KCNH5: variants seen among roughly 807,000 people sequenced by gnomAD.
The protein encoded by KCNH5 is voltage-gated delayed rectifier potassium channel KCNH5.
KCNH5 carries 46 observed loss-of-function variants against 96.1 expected under a neutral mutation model. The ratio of observed to expected loss-of-function variants is 0.48; its 90% CI spans 0.38 to 0.61. The LOEUF is 0.61. Ranked by LOEUF, KCNH5 falls within the 20% of genes least tolerant of loss-of-function variation. The pLI is 0.00. For synonymous variants in KCNH5, 439 were observed against 449.8 expected (o/e 0.98, Z 0.30); for missense variants, 907 against 1,225.8 (o/e 0.74, Z 3.88).
Position 62,984,761 on chromosome 14 carries a change from G to GA in KCNH5, c.549+2310dup, listed in dbSNP as rs998948739. Among the ~76,000 whole-genome samples the GA allele has an allele frequency of 4.1e-3, 578 of 141,654 alleles. 5 individuals carry two copies. The highest frequency in any genetic ancestry group is 0.014 in the African/African-American group (522 of 38,546). The allele number at this position is 141,654 out of a possible 152,430, so 92.9% of individuals were successfully genotyped here. On this transcript the variant is annotated intron_variant, in intron 5 of 10. Transcript: ENST00000322893. The stretch of plus-strand genomic sequence containing the variant: ...AAACTAACACTAATCACAGAGCAAA[G>GA]AAAAAAAAAACAGATGGGATGAAAT...
intron 10 of KCNH5, among the ~76,000 whole-genome samples, chr14:62,749,513 T>A (rs1282316333): frequency 1.3e-5 from 2 of 152,192 alleles, no homozygotes; most frequent in Non-Finnish European, 2.9e-5. Context: ...AGCTGTGTTG[T>A]AACAAGATTC....
intron 7 of KCNH5, among the ~76,000 whole-genome samples, chr14:62,890,631 G>A (rs1412976711): frequency 6.0e-5 from 9 of 149,868 alleles, no homozygotes; most frequent in African/African-American, 2.0e-4. Context: ...CCCGGGAGGC[G>A]GAGCTTGCAG....
chr14:63,024,628 T>C (rs1891492739), intron 1 of KCNH5, among the ~76,000 whole-genome samples: 1 of 152,028 alleles, frequency 6.6e-6, no homozygotes. Flanking sequence ...CAAAGGATCA[T>C]AACTATTATG....
chr14:62,731,314 A>G (rs1885045818), intron 10 of KCNH5, among the ~76,000 whole-genome samples: 1 of 151,580 alleles, frequency 6.6e-6, no homozygotes, highest in Non-Finnish European at 1.5e-5. Context: ...AATAATAATA[A>G]TAATAAATTA....
intron 10 of KCNH5, among the ~76,000 whole-genome samples, chr14:62,749,668 A>G (rs1409875071): frequency 1.3e-5 from 2 of 152,184 alleles, no homozygotes; most frequent in East Asian, 3.8e-4. Context: ...ACTTTCATCC[A>G]TTATTTCAAA....
At chr14:62,859,467 G>T (rs546598178) in intron 7 of KCNH5, among the ~76,000 whole-genome samples, 2 of 152,186 alleles carry the variant, frequency 1.3e-5, no homozygotes, top group Non-Finnish European at 2.9e-5. Context: ...TTCTCCTGCT[G>T]AGGTCACCTG....
rs369845225 is a variant in KCNH5, at chr14:62,889,613, A to G, written c.1370-39761T>C. ...CCATTCCTCTGCCTCTCCGATTCCT[A>G]AGAGAGTAGAATCTCCATAAGACAA... On this transcript the variant is annotated intron_variant, in intron 7 of 10. Coordinates refer to ENST00000322893, the MANE Select transcript of KCNH5 (RefSeq NM_139318.5). Among the ~76,000 whole-genome samples the G allele has an allele frequency of 2.2e-4, 34 of 152,290 alleles. No homozygotes were observed. In the East Asian group the frequency reaches 5.0e-3, roughly 22 times the overall value.
At chr14:62,862,486 G>T (rs1888056842) in intron 7 of KCNH5, among the ~76,000 whole-genome samples, 1 of 152,078 alleles carries the variant, frequency 6.6e-6, no homozygotes, top group African/African-American at 2.4e-5. Context: ...TCCTCTCTCG[G>T]TATGCAAATC....
chr14:62,996,474 T>G (rs1427119274), intron 4 of KCNH5, among the ~76,000 whole-genome samples: 1 of 152,236 alleles, frequency 6.6e-6, no homozygotes, highest in Admixed American at 6.5e-5. Context: ...CTAATTTACA[T>G]GTCTATCAAA....
intron 7 of KCNH5, among the ~76,000 whole-genome samples, chr14:62,893,614 G>C (rs1292593886): frequency 1.3e-5 from 2 of 152,018 alleles, no homozygotes; most frequent in Non-Finnish European, 2.9e-5. Flanking sequence ...AAATTAGCTG[G>C]GCATGGTGGT....
chr14:62,906,411 T>C (rs1214096194), intron 7 of KCNH5, among the ~76,000 whole-genome samples: 1 of 152,202 alleles, frequency 6.6e-6, no homozygotes, highest in Non-Finnish European at 1.5e-5. Flanking sequence ...AGCCAAGATG[T>C]AAAGGAAACA....
intron 10 of KCNH5, among the ~76,000 whole-genome samples, chr14:62,738,470 C>G (rs1885204431): frequency 6.6e-6 from 1 of 152,028 alleles, no homozygotes; most frequent in Non-Finnish European, 1.5e-5. Flanking sequence ...GAATGAGACT[C>G]AATATTACTG....
chr14:62,821,127 C>A (rs1311595424), intron 8 of KCNH5, among the ~76,000 whole-genome samples: 3 of 150,866 alleles, frequency 2.0e-5, no homozygotes, highest in African/African-American at 4.9e-5. Flanking sequence ...AAAAAAAAAA[C>A]CCTTAAAAAA....
intron 3 of KCNH5, among the ~76,000 whole-genome samples, chr14:63,003,624 A>ATATATATATATATATATATT (rs1491457497): frequency 2.5e-4 from 23 of 92,816 alleles, no homozygotes; most frequent in African/African-American, 1.0e-3. Flanking sequence ...ATATATATAT[A>ATATATATATATATATATATT]TTTTTTTTTT....
At chr14:62,955,326 A>G (rs1890083599) in intron 6 of KCNH5, among the ~76,000 whole-genome samples, 1 of 152,226 alleles carries the variant, frequency 6.6e-6, no homozygotes, top group Non-Finnish European at 1.5e-5. Context: ...TAACCAACAG[A>G]AAGTTAGGTC....
chr14:62,806,607 A>T (rs4386055), intron 8 of KCNH5, among the ~76,000 whole-genome samples: 92,829 of 151,884 alleles, frequency 0.61, 28,750 homozygotes, highest in East Asian at 0.86. Flanking sequence ...AGTGGTGGGC[A>T]ACCCAGATAA....
intron 6 of KCNH5, among the ~76,000 whole-genome samples, chr14:62,968,280 T>C (rs1268559722): frequency 1.3e-5 from 2 of 152,226 alleles, no homozygotes; most frequent in East Asian, 3.8e-4. Context: ...GACCCCTCTT[T>C]TATTTACACC....
At position 62,702,298 on chromosome 14, in the gene KCNH5, C is replaced by T. The variant is rs1340320642; in HGVS notation, c.*5210G>A. ...TTCAAACTCTGTCATTGACTCTGAC[C>T]TATCAAGAAAAACCAAACATTTACA... On this transcript the variant is annotated 3_prime_UTR_variant, in exon 11 of 11. Coordinates refer to ENST00000322893, the MANE Select transcript of KCNH5 (RefSeq NM_139318.5). The T allele has an allele frequency of 2.0e-5, 3 of 152,022 alleles. No individual in the cohort carries two copies. The highest frequency in any genetic ancestry group is 4.4e-5 in the Non-Finnish European group (3 of 67,906). The allele number at this position is 152,022 out of a possible 1,614,324, so 9.4% of individuals were successfully genotyped here. A position where few individuals can be genotyped will look rare whatever the true frequency, so the allele number is the denominator to read the frequency against.
intron 8 of KCNH5, among the ~76,000 whole-genome samples, chr14:62,838,493 C>T (rs1255643878): frequency 2.0e-5 from 3 of 152,130 alleles, no homozygotes; most frequent in Admixed American, 6.5e-5. Flanking sequence ...AATGGTTGAA[C>T]TCTGAGATTA....
Sources: gnomAD v4.1 joint callset for allele counts (sites outside exome capture counted in the v4.1 genomes callset) on GRCh38, gnomAD v4.1.1 for gene constraint, MANE v1.5 for transcripts, NCBI Gene and HGNC (gene_info 2026-07-23, HGNC 2026-07-21) for gene names.